Variants in PRKG2 observed in about 807,000 individuals in gnomAD.
PRKG2 encodes the protein cGMP-dependent protein kinase 2.
A neutral mutation model predicts 97.2 loss-of-function variants in PRKG2; 33 were observed. The observed-to-expected ratio is 0.34, with a 90% CI of 0.26 to 0.45. PRKG2 has a LOEUF of 0.45. PRKG2 is among the 20% of genes least tolerant of loss of function. PRKG2 has a pLI of 1.00. For missense variants in PRKG2, 638 were observed against 900.0 expected (o/e 0.71, Z 3.73); for synonymous variants, 330 against 321.8 (o/e 1.03, Z -0.27).
intron 12 of PRKG2, among the ~76,000 whole-genome samples, chr4:81,140,138 T>A (rs1227779618): frequency 6.6e-6 from 1 of 152,140 alleles, no homozygotes; most frequent in Non-Finnish European, 1.5e-5. Context: ...AGAGGAGTGG[T>A]TACCAGAGCC....
At chr4:81,140,896 A>C (rs980967746) in intron 11 of PRKG2, among the ~76,000 whole-genome samples, 9 of 152,168 alleles carry the variant, frequency 5.9e-5, no homozygotes, top group Admixed American at 2.0e-4. Flanking sequence ...AAGCAAAATA[A>C]AATTCTGTTA....
intron 1 of PRKG2, among the ~76,000 whole-genome samples, chr4:81,211,074 T>C (rs1279509017): frequency 6.6e-6 from 1 of 152,068 alleles, no homozygotes; most frequent in Non-Finnish European, 1.5e-5. Context: ...GGAAAGAACA[T>C]TTATAGGGCA....
chr4:81,213,592 G>A (rs572779016), intron 1 of PRKG2, among the ~76,000 whole-genome samples: 124 of 152,284 alleles, frequency 8.1e-4, no homozygotes, highest in Non-Finnish European at 1.5e-3. Context: ...CCTGCAAGAC[G>A]ATATCATGAT....
chr4:81,128,577 A>G (rs921953687), intron 14 of PRKG2, among the ~76,000 whole-genome samples: 3 of 152,044 alleles, frequency 2.0e-5, no homozygotes, highest in African/African-American at 4.8e-5. Flanking sequence ...TATGTGTCCA[A>G]TAATTTATCC....
At position 81,174,794 on chromosome 4, in the gene PRKG2, T is replaced by G; in HGVS notation, c.627A>C (p.Ala209=). The change falls in exon 3 of 19, where the codon GCA becomes GCC. Residue 209 remains alanine, a splice_region_variant and synonymous_variant. Transcript: ENST00000264399. ...TCTGGAAAAATCTGTGAAACCCACC[T>G]GCCAGCACAAAGATATGGTTTCCTG... ...GEPGNHIFVL[A]EGRLEVFQGE... is the part of the protein sequence containing the mutation. 1 of 1,606,138 alleles carries G rather than the reference T, an allele frequency of 6.2e-7. No homozygotes were observed. Among genetic ancestry groups the G allele is most frequent in the Non-Finnish European group, 8.5e-7 (1 of 1,176,680 alleles).
At chr4:81,135,319 C>T (rs1187325827) in intron 13 of PRKG2, 23 bp from the exon 14 acceptor site, 7 of 1,608,368 alleles carry the variant, frequency 4.4e-6, no homozygotes, top group Non-Finnish European at 5.9e-6. Flanking sequence ...CATTTTCCCT[C>T]TTAATACTTT....
chr4:81,115,215 T>A (rs879107865), intron 14 of PRKG2, among the ~76,000 whole-genome samples: 9 of 152,210 alleles, frequency 5.9e-5, no homozygotes, highest in African/African-American at 2.2e-4. Context: ...TTGTATGATA[T>A]TGCCACCCCT....
chr4:81,177,484 T>C, intron 2 of PRKG2, among the ~76,000 whole-genome samples: 1 of 152,120 alleles, frequency 6.6e-6, no homozygotes, highest in Admixed American at 6.5e-5. Context: ...GGCGGGCAGA[T>C]CACGAGGTCA....
intron 8 of PRKG2, among the ~76,000 whole-genome samples, chr4:81,151,308 G>T (rs1350887660): frequency 6.6e-6 from 1 of 151,950 alleles, no homozygotes; most frequent in East Asian, 1.9e-4. Context: ...ATTTTATAAA[G>T]TTATTTATAT....
chr4:81,144,357 C>T (rs1249319331), intron 9 of PRKG2, 27 bp from the exon 10 acceptor site: 2 of 1,558,022 alleles, frequency 1.3e-6, no homozygotes, highest in South Asian at 1.1e-5. Flanking sequence ...AAGTAAAATG[C>T]TCCGTGCTGA....
intron 6 of PRKG2, among the ~76,000 whole-genome samples, chr4:81,154,596 A>T (rs953552316): frequency 3.4e-5 from 5 of 148,192 alleles, no homozygotes; most frequent in Non-Finnish European, 7.4e-5. Flanking sequence ...CAGAAAGGAC[A>T]TCCACAGCAA....
At chr4:81,212,994 T>C (rs1487931449) in intron 1 of PRKG2, among the ~76,000 whole-genome samples, 5 of 152,184 alleles carry the variant, frequency 3.3e-5, no homozygotes, top group Admixed American at 6.5e-5. Flanking sequence ...TGAAGGAAAG[T>C]ATTACTATCT....
At position 81,153,678 on chromosome 4, in the gene PRKG2, T is replaced by A. The variant is rs1353855899; in HGVS notation, c.956A>T (p.Glu319Val). 6.2e-7 allele frequency: 1 copy of A among 1,604,598 alleles called. No individual in the cohort carries two copies. Among genetic ancestry groups the A allele is most frequent in the African/African-American group, 1.3e-5 (1 of 74,830 alleles). ...KGDYIIREGEEGSTFFILAKG... is the reference protein window; with the variant it reads ...KGDYIIREGEVGSTFFILAKG... ...TGCCAAAATGAAAAAGGTACTTCCT[T>A]CCTCGCCCTCTCTAATGATGTAATC... The change falls in exon 7 of 19, where the codon GAA (glutamate) becomes GTA (valine). Residue 319 changes from glutamate to valine, a missense_variant. By Grantham distance (121) the Glu-to-Val change is moderately radical. Around this residue, in one of 3 missense-constraint regions of PRKG2, gnomAD observed 332 missense variants for 421.7 expected, o/e 0.79. Coordinates refer to ENST00000264399, the MANE Select transcript of PRKG2 (RefSeq NM_006259.3).
intron 2 of PRKG2, among the ~76,000 whole-genome samples, chr4:81,200,643 T>C (rs1753244644): frequency 6.6e-6 from 1 of 152,208 alleles, no homozygotes; most frequent in African/African-American, 2.4e-5. Context: ...ATCTTAGCTC[T>C]GCCACCAACC....
In PRKG2 at chr4:81,106,190, TAAAG is replaced by T. The variant is rs558797886; in HGVS notation, c.1941-259_1941-256del. 1.5e-3 allele frequency among the ~76,000 whole-genome samples: 231 copies of T among 152,026 alleles called. 2 individuals carry two copies. The highest frequency in any genetic ancestry group is 5.1e-3 in the African/African-American group (210 of 41,464). Reference sequence around the variant, plus strand: ...GTGTCGATAATCACTAATAATAAAATAAAGAAAGGGACAGAGAAGGTGTGATTTT... The same window carrying T: ...GTGTCGATAATCACTAATAATAAAATAAAGGGACAGAGAAGGTGTGATTTT... On this transcript the variant is annotated intron_variant, in intron 15 of 18. Coordinates refer to ENST00000264399, the MANE Select transcript of PRKG2 (RefSeq NM_006259.3).
At chr4:81,137,372 G>A (rs1306136708) in intron 13 of PRKG2, 21 bp downstream of exon 13, 1 of 1,538,814 alleles carries the variant, frequency 6.5e-7, no homozygotes, top group East Asian at 2.2e-5. Context: ...CCAGATGTGA[G>A]TATACAAACT....
chr4:81,182,864 T>C (rs1751539800), intron 2 of PRKG2, among the ~76,000 whole-genome samples: 1 of 152,058 alleles, frequency 6.6e-6, no homozygotes, highest in Non-Finnish European at 1.5e-5. Context: ...TACAAAATAT[T>C]ATTAAAAGAA....
intron 17 of PRKG2, 60 bp from the exon 18 acceptor site, chr4:81,092,512 G>GGAAT: frequency 9.8e-7 from 1 of 1,023,848 alleles, no homozygotes; most frequent in Non-Finnish European, 1.5e-6. Flanking sequence ...AAGGAAGGAA[G>GGAAT]GGAGAAAGAA....
intron 12 of PRKG2, among the ~76,000 whole-genome samples, chr4:81,137,849 G>A (rs1266208868): frequency 6.6e-6 from 1 of 152,166 alleles, no homozygotes; most frequent in Non-Finnish European, 1.5e-5. Flanking sequence ...AGAGACCTCT[G>A]AATATGTCAC....
Sources: allele counts gnomAD v4.1 joint callset (sites outside exome capture counted in the v4.1 genomes callset), GRCh38; gene constraint gnomAD v4.1.1; regional missense constraint gnomAD v4.1.1; transcripts MANE v1.5; gene names NCBI Gene and HGNC (gene_info 2026-07-23, HGNC 2026-07-21).